PSTPIP2: variants seen among roughly 807,000 people sequenced by gnomAD.
PSTPIP2 encodes proline-serine-threonine phosphatase-interacting protein 2.
A neutral mutation model predicts 63.3 loss-of-function variants in PSTPIP2; 33 were observed. The ratio of observed to expected loss-of-function variants is 0.52; its 90% CI spans 0.40 to 0.70. The LOEUF (loss-of-function observed/expected upper bound fraction) is 0.70, where lower values mean the gene tolerates loss of function less well. Among genes scored for constraint, PSTPIP2 ranks in the 30% least tolerant of loss-of-function variants. The pLI, the probability that PSTPIP2 is intolerant of heterozygous loss-of-function variation, is 0.00. For synonymous variants in PSTPIP2, 125 were observed against 132.7 expected, an observed-to-expected ratio of 0.94 and a Z score of 0.40; for missense variants, 312 against 400.7, an observed-to-expected ratio of 0.78 and a Z score of 1.89.
intron 5 of PSTPIP2, among the ~76,000 whole-genome samples, chr18:46,010,465 G>A (rs1386298972): frequency 1.3e-5 from 2 of 152,182 alleles, no homozygotes; most frequent in Non-Finnish European, 2.9e-5. Context: ...ATTCTCTAAG[G>A]ACCCTACATG....
chr18:46,060,689 T>C (rs533285383), intron 1 of PSTPIP2, among the ~76,000 whole-genome samples: 2 of 152,244 alleles, frequency 1.3e-5, no homozygotes, highest in Admixed American at 1.3e-4. Context: ...AAACTTTACA[T>C]GGCAGGGGAG....
At chr18:46,048,053 T>C (rs1166618303) in intron 1 of PSTPIP2, among the ~76,000 whole-genome samples, 1 of 152,212 alleles carries the variant, frequency 6.6e-6, no homozygotes, top group Non-Finnish European at 1.5e-5. Context: ...AAAAAGGACA[T>C]TGCAGATGTC....
chr18:46,039,669 C>T (rs183198269), intron 2 of PSTPIP2, among the ~76,000 whole-genome samples: 6 of 152,230 alleles, frequency 3.9e-5, no homozygotes, highest in Non-Finnish European at 5.9e-5. Flanking sequence ...AAAGCTACAT[C>T]ATGGGGTCTT....
chr18:46,022,852 C>T (rs1907419742), intron 3 of PSTPIP2, among the ~76,000 whole-genome samples: 1 of 152,002 alleles, frequency 6.6e-6, no homozygotes, highest in Non-Finnish European at 1.5e-5. Context: ...GCAAGGAAGA[C>T]ATAGAATTGA....
intron 2 of PSTPIP2, among the ~76,000 whole-genome samples, chr18:46,025,067 G>A (rs1202546207): frequency 1.3e-5 from 2 of 152,058 alleles, no homozygotes; most frequent in African/African-American, 2.4e-5. Context: ...CTGTACCAAA[G>A]GAAGGGGGAT....
chr18:46,050,478 G>A (rs1311692868), intron 1 of PSTPIP2, among the ~76,000 whole-genome samples: 1 of 152,124 alleles, frequency 6.6e-6, no homozygotes, highest in Non-Finnish European at 1.5e-5. Flanking sequence ...ATGCTAAGGT[G>A]AGAGGTCGAG....
chr18:46,041,176 G>A (rs535966067), intron 1 of PSTPIP2: 39 of 411,432 alleles, frequency 9.5e-5, no homozygotes, highest in African/African-American at 7.5e-4. Flanking sequence ...CTGTCCACTG[G>A]GAAGCATGAA....
chr18:45,999,133 A>G (rs1255977165), intron 7 of PSTPIP2, among the ~76,000 whole-genome samples: 1 of 152,198 alleles, frequency 6.6e-6, no homozygotes, highest in Admixed American at 6.5e-5. Flanking sequence ...CCACCCAAGC[A>G]AAAGGCAGCC....
At chr18:46,012,747 T>G (rs2051813294) in intron 4 of PSTPIP2, among the ~76,000 whole-genome samples, 1 of 152,156 alleles carries the variant, frequency 6.6e-6, no homozygotes, top group Non-Finnish European at 1.5e-5. Flanking sequence ...CACTTCAGCC[T>G]GGCAACAGAG....
At chr18:46,066,341 T>G (rs1352792637) in intron 1 of PSTPIP2, among the ~76,000 whole-genome samples, 1 of 152,126 alleles carries the variant, frequency 6.6e-6, no homozygotes, top group Non-Finnish European at 1.5e-5. Context: ...ATAAATAATT[T>G]AATTAAATTA....
intron 2 of PSTPIP2, among the ~76,000 whole-genome samples, chr18:46,039,294 AC>A (rs773147171): frequency 1.3e-5 from 2 of 152,052 alleles, no homozygotes; most frequent in Admixed American, 1.3e-4. Flanking sequence ...AATCCTCTAA[AC>A]CATGCCAGTT....
At chr18:46,043,417 A>G (rs1908266891) in intron 1 of PSTPIP2, among the ~76,000 whole-genome samples, 1 of 151,884 alleles carries the variant, frequency 6.6e-6, no homozygotes, top group Non-Finnish European at 1.5e-5. Flanking sequence ...AGAAAAGAAA[A>G]GAGGAATCTC....
intron 14 of PSTPIP2, among the ~76,000 whole-genome samples, chr18:45,987,844 G>A (rs2051483327): frequency 1.3e-5 from 2 of 152,198 alleles, no homozygotes; most frequent in Admixed American, 1.3e-4. Flanking sequence ...AAGTCACCAT[G>A]CAGTATATCT....
intron 2 of PSTPIP2, among the ~76,000 whole-genome samples, chr18:46,026,753 G>T (rs946249864): frequency 1.3e-5 from 2 of 152,190 alleles, no homozygotes; most frequent in African/African-American, 4.8e-5. Context: ...CGGGTGTGGT[G>T]GTGCATACCT....
rs1047163326 is a variant in PSTPIP2 at position 46,072,258 on chromosome 18, A to G, written c.-70T>C. The G allele has an allele frequency of 3.3e-5, 50 of 1,501,090 alleles. No homozygotes were observed. The highest frequency in any genetic ancestry group is 1.0e-4 in the African/African-American group (7 of 69,180). 93.0% of individuals were successfully genotyped at this position (1,501,090 alleles called of 1,614,324 possible). On this transcript the variant is annotated 5_prime_UTR_variant, in exon 1 of 15. Coordinates refer to ENST00000409746, the MANE Select transcript of PSTPIP2 (RefSeq NM_024430.4). ...CACAGAGCGGGGAGGCCTGACTGCC[A>G]CTGCCCGCGGCTCCGCAGACTCAAC... is the stretch of plus-strand genomic sequence containing the variant.
chr18:46,028,578 G>C, intron 2 of PSTPIP2: 4 of 751,792 alleles, frequency 5.3e-6, no homozygotes, highest in Non-Finnish European at 9.3e-6. Flanking sequence ...GGGAGACTCA[G>C]AAGCGGAGAA....
intron 1 of PSTPIP2, among the ~76,000 whole-genome samples, chr18:46,058,305 C>T (rs147318730): frequency 6.6e-6 from 1 of 151,960 alleles, no homozygotes; most frequent in African/African-American, 2.4e-5. Context: ...CCATATACAT[C>T]TGTATTGTTT....
Position 46,028,957 on chromosome 18 carries a change from G to C in PSTPIP2, c.135-4271C>G, listed in dbSNP as rs7242665. 786 of 1,171,482 alleles carry C rather than the reference G, an allele frequency of 6.7e-4. 4 individuals are homozygous for C. The African/African-American group carries it at 0.011, about 16-fold the overall frequency. 72.6% of individuals were successfully genotyped at this position (1,171,482 alleles called of 1,614,324 possible). On this transcript the variant is annotated intron_variant, in intron 2 of 14. Transcript: ENST00000409746. The stretch of plus-strand genomic sequence containing the variant: ...GCATGGTAATGCTGAACGTCCTTCT[G>C]CTGCTCAGATCTCATCTGTGCAGTT...
At chr18:46,020,775 T>G (rs750110956) in intron 3 of PSTPIP2, among the ~76,000 whole-genome samples, 8 of 152,218 alleles carry the variant, frequency 5.3e-5, no homozygotes, top group Non-Finnish European at 8.8e-5. Flanking sequence ...TTCTCCTATC[T>G]TATGACTACT....
Sources: gnomAD v4.1 joint callset for allele counts (sites outside exome capture counted in the v4.1 genomes callset) on GRCh38, gnomAD v4.1.1 for gene constraint, MANE v1.5 for transcripts, NCBI Gene and HGNC (gene_info 2026-07-23, HGNC 2026-07-21) for gene names.